The following WFDC10B variants were observed in gnomAD, a reference collection of about 807,000 sequenced individuals.
WFDC10B encodes protein WFDC10B.
WFDC10B carries 1 observed loss-of-function variant against 2.7 expected under a neutral mutation model. The observed-to-expected ratio is 0.38, with a 90% CI of 0.13 to 1.79. The LOEUF (loss-of-function observed/expected upper bound fraction) is 1.79, where lower values mean the gene tolerates loss of function less well. Ranked by LOEUF, WFDC10B falls within the 40% of genes most tolerant of loss-of-function variation. The pLI is 0.33. For missense variants in WFDC10B, 71 were observed against 87.8 expected (o/e 0.81, Z 0.76); for synonymous variants, 26 against 32.2 (o/e 0.81, Z 0.65).
At chr20:45,688,034 C>A (rs1240805523) in intron 2 of WFDC10B, among the ~76,000 whole-genome samples, 19 of 112,300 alleles carry the variant, frequency 1.7e-4, no homozygotes, top group Non-Finnish European at 2.8e-4. Flanking sequence ...CTCCCCCCAC[C>A]CCACAACAGT....
intron 2 of WFDC10B, among the ~76,000 whole-genome samples, chr20:45,703,252 G>T (rs775644251): frequency 6.6e-6 from 1 of 152,178 alleles, no homozygotes; most frequent in Non-Finnish European, 1.5e-5. Flanking sequence ...GTGTGGATTA[G>T]TTCCAATTTC....
chr20:45,697,694 C>A (rs149993165), intron 2 of WFDC10B, among the ~76,000 whole-genome samples: 1 of 150,030 alleles, frequency 6.7e-6, no homozygotes, highest in Non-Finnish European at 1.5e-5. Flanking sequence ...ATTATTAAGA[C>A]GGCATTACAA....
chr20:45,685,049 A>T (rs1983563410), intron 3 of WFDC10B, 89 bp from the exon 4 acceptor site: 1 of 1,552,690 alleles, frequency 6.4e-7, no homozygotes, highest in Non-Finnish European at 8.7e-7. Flanking sequence ...CCCCAGAACC[A>T]AGGCACCCCT....
intron 3 of WFDC10B, 108 bp from the exon 4 acceptor site, chr20:45,685,068 G>T (rs892110976): frequency 8.8e-6 from 12 of 1,368,620 alleles, no homozygotes; most frequent in Non-Finnish European, 1.2e-5. Flanking sequence ...CTGCCACCAC[G>T]ACTCTCCTGG....
intron 2 of WFDC10B, among the ~76,000 whole-genome samples, chr20:45,686,359 G>A (rs1248019272): frequency 3.3e-5 from 5 of 152,138 alleles, no homozygotes; most frequent in Non-Finnish European, 5.9e-5. Flanking sequence ...AAGGTGCTTA[G>A]AATTAACCCA....
intron 2 of WFDC10B, among the ~76,000 whole-genome samples, chr20:45,696,052 C>T (rs1461657863): frequency 2.0e-5 from 3 of 151,578 alleles, no homozygotes; most frequent in Admixed American, 6.6e-5. Flanking sequence ...TTTGGGAGGC[C>T]GAGGCAGGCA....
intron 2 of WFDC10B, among the ~76,000 whole-genome samples, chr20:45,694,615 A>G (rs1983925827): frequency 6.6e-6 from 1 of 152,210 alleles, no homozygotes; most frequent in African/African-American, 2.4e-5. Context: ...ATCATAAGAA[A>G]TATATTTGGT....
intron 2 of WFDC10B, among the ~76,000 whole-genome samples, chr20:45,688,104 T>C (rs1291491755): frequency 3.5e-5 from 5 of 142,134 alleles, no homozygotes; most frequent in African/African-American, 7.9e-5. Context: ...AATTCCCACC[T>C]ATGAGTGAGA....
rs1270014114 is a variant in WFDC10B, at chr20:45,699,867, T to TG, written c.-65+4629dup. On this transcript the variant is annotated intron_variant, in intron 2 of 3. Coordinates refer to ENST00000330523, the MANE Select transcript of WFDC10B (RefSeq NM_172006.2). Reference sequence around the variant, plus strand: ...CTAATTTTTGTATTTTTAGTAGAGATGGGGTTTCACCATGTTGACCAGGCT... The same window carrying TG: ...CTAATTTTTGTATTTTTAGTAGAGATGGGGGTTTCACCATGTTGACCAGGCT... Among the ~76,000 whole-genome samples, 5 of 152,250 alleles carry TG rather than the reference T, an allele frequency of 3.3e-5. No homozygotes were observed. In the South Asian group the frequency reaches 6.2e-4, roughly 19 times the overall value.
chr20:45,694,950 T>C (rs1983934491), intron 2 of WFDC10B, among the ~76,000 whole-genome samples: 1 of 152,170 alleles, frequency 6.6e-6, no homozygotes, highest in Admixed American at 6.5e-5. Context: ...GCCAGGAGGG[T>C]GGCACACACA....
intron 2 of WFDC10B, chr20:45,702,064 A>G: frequency 6.6e-7 from 1 of 1,512,380 alleles, no homozygotes; most frequent in Non-Finnish European, 9.1e-7. Flanking sequence ...TCCTCACAGC[A>G]GTGCCTGGTC....
chr20:45,699,953 A>G (rs1984099506), intron 2 of WFDC10B, among the ~76,000 whole-genome samples: 1 of 152,226 alleles, frequency 6.6e-6, no homozygotes, highest in Non-Finnish European at 1.5e-5. Context: ...CTGGGATTAC[A>G]GGCGTGAGCC....
chr20:45,689,181 T>C (rs1405383540), intron 2 of WFDC10B, among the ~76,000 whole-genome samples: 2 of 150,574 alleles, frequency 1.3e-5, no homozygotes, highest in Non-Finnish European at 2.9e-5. Context: ...GAGGGCTCTG[T>C]TCTGTTCCAT....
At chr20:45,704,842 G>C in intron 1 of WFDC10B, 76 bp downstream of exon 1, 1 of 1,498,568 alleles carries the variant, frequency 6.7e-7, no homozygotes, top group Admixed American at 1.7e-5. Flanking sequence ...CTGCCTCTCT[G>C]AACACACCCA....
At chr20:45,696,969 TA>T (rs956619063) in intron 2 of WFDC10B, among the ~76,000 whole-genome samples, 2 of 152,078 alleles carry the variant, frequency 1.3e-5, no homozygotes, top group African/African-American at 4.8e-5. Context: ...AGGACTTCCT[TA>T]ACATGATTAA....
At chr20:45,701,393 A>T (rs186072100) in intron 2 of WFDC10B, among the ~76,000 whole-genome samples, 8 of 152,302 alleles carry the variant, frequency 5.3e-5, no homozygotes, top group African/African-American at 1.9e-4. Context: ...TGGAAAGTTA[A>T]CTTCTCTACA....
intron 2 of WFDC10B, among the ~76,000 whole-genome samples, chr20:45,688,008 A>G (rs1177617743): frequency 1.6e-4 from 22 of 138,358 alleles, no homozygotes; most frequent in African/African-American, 3.4e-4. Flanking sequence ...ATATCTCCCA[A>G]TGCTATCCCT....
chr20:45,700,808 A>C, intron 2 of WFDC10B, among the ~76,000 whole-genome samples: 1 of 152,222 alleles, frequency 6.6e-6, no homozygotes, highest in East Asian at 1.9e-4. Flanking sequence ...GATGTACTCA[A>C]GGGCCTAGCG....
At chr20:45,692,152 T>C (rs1983832788) in intron 2 of WFDC10B, among the ~76,000 whole-genome samples, 2 of 152,164 alleles carry the variant, frequency 1.3e-5, no homozygotes, top group Non-Finnish European at 2.9e-5. Flanking sequence ...TTAAGGATGT[T>C]GAATATTGGT....
Sources: gnomAD v4.1 joint callset for allele counts (sites outside exome capture counted in the v4.1 genomes callset) on GRCh38, gnomAD v4.1.1 for gene constraint, MANE v1.5 for transcripts, NCBI Gene and HGNC (gene_info 2026-07-23, HGNC 2026-07-21) for gene names.